The following MYLK variants were observed in gnomAD, a reference collection of about 807,000 sequenced individuals.
MYLK encodes myosin light chain kinase, smooth muscle.
A neutral mutation model predicts 203.4 loss-of-function variants in MYLK; 106 were observed. The observed-to-expected ratio is 0.52, with a 90% CI of 0.45 to 0.61. The LOEUF is 0.61. Among genes scored for constraint, MYLK ranks in the 20% least tolerant of loss-of-function variants. The pLI, the probability that MYLK is intolerant of heterozygous loss-of-function variation, is 0.00. For missense variants in MYLK, 2,072 were observed against 2,442.3 expected (o/e 0.85, Z 3.20); for synonymous variants, 867 against 959.5 (o/e 0.90, Z 1.78).
chr3:123,726,581 A>G (rs1478475812), intron 11 of MYLK, among the ~76,000 whole-genome samples: 4 of 152,080 alleles, frequency 2.6e-5, no homozygotes, highest in South Asian at 2.1e-4. Context: ...TTTTTTTCCA[A>G]TTCCAGAACT....
chr3:123,637,956 G>A (rs901029982), intron 29 of MYLK, 115 bp downstream of exon 29: 3 of 1,496,402 alleles, frequency 2.0e-6, no homozygotes, highest in Non-Finnish European at 1.8e-6. Context: ...CTCTGGGGGG[G>A]GCTCCCCATC....
intron 3 of MYLK, among the ~76,000 whole-genome samples, chr3:123,822,856 G>A (rs975824937): frequency 2.6e-5 from 4 of 152,094 alleles, no homozygotes; most frequent in African/African-American, 4.8e-5. Flanking sequence ...CTCAGGAAAC[G>A]TCACTTCAGG....
intron 2 of MYLK, among the ~76,000 whole-genome samples, chr3:123,845,599 A>G (rs1003738656): frequency 2.0e-5 from 3 of 152,114 alleles, no homozygotes; most frequent in African/African-American, 7.2e-5. Context: ...CAAGCAATCC[A>G]TCTGCCGTAG....
At chr3:123,638,835 C>T (rs1292598319) in intron 28 of MYLK, 1 of 985,352 alleles carries the variant, frequency 1.0e-6, no homozygotes, top group Non-Finnish European at 1.2e-6. Flanking sequence ...AGGGTGGTAC[C>T]TCTTGGCCAT....
intron 19 of MYLK, among the ~76,000 whole-genome samples, chr3:123,689,185 G>A (rs185446556): frequency 2.0e-4 from 30 of 152,316 alleles, no homozygotes; most frequent in Non-Finnish European, 4.0e-4. Flanking sequence ...CCCTGGCCAG[G>A]GTGGCTGGGG....
At chr3:123,670,702 A>C (rs2059887773) in intron 20 of MYLK, among the ~76,000 whole-genome samples, 1 of 152,168 alleles carries the variant, frequency 6.6e-6, no homozygotes, top group Non-Finnish European at 1.5e-5. Flanking sequence ...TGATTTTGCC[A>C]CTACACTCCA....
chr3:123,688,342 G>A (rs1338971511), intron 19 of MYLK, among the ~76,000 whole-genome samples: 1 of 151,692 alleles, frequency 6.6e-6, no homozygotes, highest in Non-Finnish European at 1.5e-5. Context: ...GTGCCCCCCA[G>A]CCCCACCATT....
At chr3:123,856,812 A>G (rs1300589340) in intron 2 of MYLK, among the ~76,000 whole-genome samples, 1 of 152,210 alleles carries the variant, frequency 6.6e-6, no homozygotes, top group Non-Finnish European at 1.5e-5. Flanking sequence ...TAATTAAACT[A>G]AAGAGTTTCT....
chr3:123,814,979 G>A (rs2065697205), intron 3 of MYLK, among the ~76,000 whole-genome samples: 1 of 152,056 alleles, frequency 6.6e-6, no homozygotes, highest in Admixed American at 6.6e-5. Flanking sequence ...TTTTAGTAGA[G>A]ACAGGGTTTC....
intron 6 of MYLK, 52 bp downstream of exon 6, chr3:123,739,901 T>C: frequency 1.9e-6 from 3 of 1,598,644 alleles, no homozygotes; most frequent in Non-Finnish European, 1.7e-6. Flanking sequence ...CCTGCTCAAG[T>C]CAGCAGGAAA....
chr3:123,739,464 G>T (rs552633259), intron 6 of MYLK, among the ~76,000 whole-genome samples: 12 of 152,308 alleles, frequency 7.9e-5, no homozygotes, highest in African/African-American at 2.6e-4. Flanking sequence ...AAGGCCCAGT[G>T]GGGGCTCAAG....
intron 3 of MYLK, among the ~76,000 whole-genome samples, chr3:123,829,262 TA>T (rs1406612052): frequency 6.6e-6 from 1 of 152,036 alleles, no homozygotes; most frequent in Non-Finnish European, 1.5e-5. Flanking sequence ...TATTCAGCCA[TA>T]AAAAAGAATG....
In MYLK at chr3:123,692,816, G is replaced by A. The variant is rs781105303; in HGVS notation, c.3484C>T (p.Pro1162Ser). The change falls in exon 19 of 34, where the codon CCT becomes TCT. Residue 1162 changes from proline (P) to serine (S), a missense_variant. Transcript: ENST00000360304. ...LCSVSIEKAL[P>S]EDRGLYKCVA... The stretch of plus-strand genomic sequence containing the variant: ...CACTTGTATAAGCCTCTGTCCTCAG[G>A]CAGTGCCTTCTCGATGGAGACGGAG... 1.9e-6 allele frequency: 3 copies of A among 1,614,114 alleles called. No homozygotes were observed. The highest frequency in any genetic ancestry group is 2.5e-6 in the Non-Finnish European group (3 of 1,180,022).
chr3:123,833,175 G>T (rs1203686814), intron 2 of MYLK, among the ~76,000 whole-genome samples: 2 of 152,080 alleles, frequency 1.3e-5, no homozygotes, highest in Non-Finnish European at 2.9e-5. Context: ...GCACCCAGTT[G>T]CTCCCTGTAA....
intron 12 of MYLK, among the ~76,000 whole-genome samples, chr3:123,723,202 C>T (rs1489504475): frequency 6.6e-6 from 1 of 152,154 alleles, no homozygotes; most frequent in Non-Finnish European, 1.5e-5. Flanking sequence ...AAATTGGGGT[C>T]GGCCAGTGGG....
chr3:123,610,107 A>AGAC lies in MYLK; in HGVS notation c.*3995_*3997dup, dbSNP rs2057217195. On this transcript the variant is annotated 3_prime_UTR_variant, in exon 34 of 34. Transcript: ENST00000360304. Reference sequence around the variant, plus strand: ...GATGAAACTATAGACCATACTCTCTAGACTTTCACACAAGCTTTTCAGTTT... The same window carrying AGAC: ...GATGAAACTATAGACCATACTCTCTAGACGACTTTCACACAAGCTTTTCAGTTT... 6.6e-6 allele frequency: 1 copy of AGAC among 152,390 alleles called. No individual in the cohort carries two copies. Among genetic ancestry groups the AGAC allele is most frequent in the South Asian group, 2.1e-4 (1 of 4,824 alleles). The allele number at this position is 152,390 out of a possible 1,614,324, so 9.4% of individuals were successfully genotyped here.
chr3:123,848,891 T>C (rs1411973771), intron 2 of MYLK, among the ~76,000 whole-genome samples: 1 of 152,242 alleles, frequency 6.6e-6, no homozygotes, highest in Non-Finnish European at 1.5e-5. Flanking sequence ...CCTAGGTCAT[T>C]AAAGCCATGG....
intron 2 of MYLK, among the ~76,000 whole-genome samples, chr3:123,853,008 G>A (rs138689187): frequency 6.6e-6 from 1 of 152,160 alleles, no homozygotes; most frequent in African/African-American, 2.4e-5. Flanking sequence ...ATGACCATTT[G>A]TTAAGGCCTC....
At chr3:123,808,735 T>C (rs1411044137) in intron 3 of MYLK, among the ~76,000 whole-genome samples, 1 of 152,222 alleles carries the variant, frequency 6.6e-6, no homozygotes, top group Admixed American at 6.5e-5. Flanking sequence ...ACAACCCATT[T>C]ATTGAATGCT....
Sources: gnomAD v4.1 joint callset for allele counts (sites outside exome capture counted in the v4.1 genomes callset) on GRCh38, gnomAD v4.1.1 for gene constraint, MANE v1.5 for transcripts, NCBI Gene and HGNC (gene_info 2026-07-23, HGNC 2026-07-21) for gene names.